Variants in DEK observed in about 807,000 individuals in gnomAD.
DEK encodes protein DEK.
DEK carries 28 observed loss-of-function variants against 46.8 expected under a neutral mutation model. The ratio of observed to expected loss-of-function variants is 0.60; its 90% CI spans 0.44 to 0.82. DEK has a LOEUF of 0.82. Ranked by LOEUF, DEK falls within the 40% of genes least tolerant of loss-of-function variation. DEK has a pLI of 0.00. For missense variants in DEK, 416 were observed against 430.6 expected (o/e 0.97, Z 0.30); for synonymous variants, 160 against 144.5 (o/e 1.11, Z -0.77).
intron 10 of DEK, 90 bp from the exon 11 acceptor site, chr6:18,225,820 A>C (rs1790098845): frequency 2.0e-6 from 3 of 1,494,434 alleles, no homozygotes; most frequent in Admixed American, 1.7e-5. Context: ...GTCCTTCAAA[A>C]ATCAGTTGAG....
At chr6:18,240,504 G>A (rs536152885) in intron 7 of DEK, among the ~76,000 whole-genome samples, 3 of 152,298 alleles carry the variant, frequency 2.0e-5, no homozygotes, top group Admixed American at 2.0e-4. Flanking sequence ...TGGTTTTATG[G>A]GGAGTAGATA....
chr6:18,248,008 G>A (rs1328869527), intron 7 of DEK, among the ~76,000 whole-genome samples: 1 of 152,102 alleles, frequency 6.6e-6, no homozygotes, highest in Non-Finnish European at 1.5e-5. Flanking sequence ...GTAATGACAA[G>A]AAGATTCGAT....
At chr6:18,243,252 T>C (rs905367322) in intron 7 of DEK, among the ~76,000 whole-genome samples, 4 of 152,190 alleles carry the variant, frequency 2.6e-5, no homozygotes, top group African/African-American at 9.7e-5. Context: ...ACACTTTGAA[T>C]AGTTTCTTCC....
At chr6:18,233,485 G>T (rs1364648520) in intron 9 of DEK, among the ~76,000 whole-genome samples, 4 of 152,058 alleles carry the variant, frequency 2.6e-5, no homozygotes, top group Admixed American at 6.6e-5. Context: ...AATCTACAAA[G>T]AACTTAAATT....
chr6:18,244,727 G>T (rs935689622), intron 7 of DEK: 10 of 368,942 alleles, frequency 2.7e-5, no homozygotes, highest in African/African-American at 2.1e-4. Context: ...TTTCACAGAA[G>T]ATTATGAAAG....
intron 7 of DEK, among the ~76,000 whole-genome samples, chr6:18,238,164 T>A (rs1790746359): frequency 6.6e-6 from 1 of 151,906 alleles, no homozygotes; most frequent in South Asian, 2.1e-4. Context: ...CCACCACACC[T>A]GGCCTAGAAT....
intron 9 of DEK, among the ~76,000 whole-genome samples, chr6:18,233,112 A>G (rs1229030929): frequency 2.6e-5 from 4 of 152,242 alleles, no homozygotes; most frequent in Non-Finnish European, 5.9e-5. Flanking sequence ...AGGATTCCCT[A>G]TTTAATAAAT....
At chr6:18,250,248 T>A (rs536138793) in intron 6 of DEK, among the ~76,000 whole-genome samples, 1 of 152,042 alleles carries the variant, frequency 6.6e-6, no homozygotes, top group African/African-American at 2.4e-5. Flanking sequence ...GGCGGGCAGA[T>A]CATGAGGTCA....
intron 9 of DEK, among the ~76,000 whole-genome samples, chr6:18,229,687 AAAAAG>A (rs1790319212): frequency 6.6e-6 from 1 of 152,184 alleles, no homozygotes. Flanking sequence ...AAAAAAGAGT[AAAAAG>A]AAACAAACAA....
At chr6:18,250,220 A>G (rs1352422480) in intron 6 of DEK, among the ~76,000 whole-genome samples, 1 of 152,210 alleles carries the variant, frequency 6.6e-6, no homozygotes, top group Non-Finnish European at 1.5e-5. Context: ...CTGCCAACCC[A>G]GCACTTTGGG....
rs985995668 is a variant in DEK, at chr6:18,236,491, A to T, written c.1008T>A (p.Ala336=). Residue 336 remains alanine (A), a synonymous_variant, in exon 9 of 11, where the codon GCT becomes GCA. Coordinates refer to ENST00000652689, the MANE Select transcript of DEK (RefSeq NM_003472.4). ...GTTTCATTGTGACTTCTTCCAAGTTAGCACTGGCCAGTAATTTCTTTATTG... is the reference window on the plus strand; with the variant it reads ...GTTTCATTGTGACTTCTTCCAAGTTTGCACTGGCCAGTAATTTCTTTATTG... The part of the protein sequence containing the change: ...KETIKKLLAS[A]NLEEVTMKQI... 5 of 1,609,868 alleles carry T rather than the reference A, an allele frequency of 3.1e-6. No individual in the cohort carries two copies. Among genetic ancestry groups the T allele is most frequent in the Non-Finnish European group, 4.2e-6 (5 of 1,178,756 alleles).
At chr6:18,239,059 G>C (rs945709877) in intron 7 of DEK, among the ~76,000 whole-genome samples, 1 of 152,018 alleles carries the variant, frequency 6.6e-6, no homozygotes, top group African/African-American at 2.4e-5. Context: ...TGAGTAGCTG[G>C]GATTACAGGC....
At chr6:18,249,989 T>C in intron 6 of DEK, 150 bp from the exon 7 acceptor site, 1 of 1,273,044 alleles carries the variant, frequency 7.9e-7, no homozygotes, top group East Asian at 2.7e-5. Flanking sequence ...TCTTTAACCG[T>C]GTCAGGTTAA....
chr6:18,255,822 C>T lies in DEK; in HGVS notation c.482G>A (p.Cys161Tyr). 1 of 1,609,624 alleles carries T rather than the reference C, an allele frequency of 6.2e-7. No individual in the cohort carries two copies. The change falls in exon 6 of 11, where the codon TGT becomes TAT. Residue 161 changes from cysteine (C) to tyrosine (Y), a missense_variant. Physicochemically the swap from Cys to Tyr is radical, Grantham distance 194. Coordinates refer to ENST00000652689, the MANE Select transcript of DEK (RefSeq NM_003472.4). ...KFRNAMLKSI[C>Y]EVLDLERSGV... ...TGATCTCTCCAAATCAAGAACCTCA[C>T]AGATGCTCTTTAACATGGCATTTCT... is the stretch of plus-strand genomic sequence containing the variant.
chr6:18,256,621 C>A (rs1791609264), intron 4 of DEK, among the ~76,000 whole-genome samples, 166 bp from the exon 5 acceptor site: 1 of 152,142 alleles, frequency 6.6e-6, no homozygotes, highest in Admixed American at 6.6e-5. Flanking sequence ...TTCAACATTT[C>A]TTATTCAAAA....
intron 9 of DEK, among the ~76,000 whole-genome samples, chr6:18,232,700 C>T (rs1790462801): frequency 6.6e-6 from 1 of 152,040 alleles, no homozygotes; most frequent in Non-Finnish European, 1.5e-5. Flanking sequence ...CACTACTCAA[C>T]AAAATAAAAG....
In DEK at chr6:18,236,429, A is replaced by G. The variant is rs201860723; in HGVS notation, c.1047+23T>C. The G allele has an allele frequency of 1.9e-6, 3 of 1,603,050 alleles. No homozygotes were observed. The African/African-American group carries it at 4.0e-5, about 22-fold the overall frequency. On this transcript the variant is annotated intron_variant, in intron 9 of 10. Transcript: ENST00000652689. ...AGAATTTTTCTAGCAAAAGCAAAAT[A>G]ATCTAAACATTTGTCTAATTACCTT... is the stretch of plus-strand genomic sequence containing the variant.
At chr6:18,263,582 G>T (rs1791969384) in intron 2 of DEK, among the ~76,000 whole-genome samples, 1 of 151,892 alleles carries the variant, frequency 6.6e-6, no homozygotes, top group African/African-American at 2.4e-5. Flanking sequence ...GTTAACGAAC[G>T]TTTAGAGCGG....
intron 2 of DEK, among the ~76,000 whole-genome samples, chr6:18,262,294 CAAA>C (rs528582239): frequency 6.5e-5 from 7 of 108,488 alleles, no homozygotes; most frequent in African/African-American, 6.5e-5. Context: ...TATAGTAACG[CAAA>C]AAAAAAAAAA....
Sources: allele counts gnomAD v4.1 joint callset (sites outside exome capture counted in the v4.1 genomes callset), GRCh38; gene constraint gnomAD v4.1.1; transcripts MANE v1.5; gene names NCBI Gene and HGNC (gene_info 2026-07-23, HGNC 2026-07-21).